The following POTEJ variants were observed in gnomAD, a reference collection of about 807,000 sequenced individuals.
POTEJ encodes POTE ankyrin domain family member J.
A neutral mutation model predicts 69.0 loss-of-function variants in POTEJ; 11 were observed. The ratio of observed to expected loss-of-function variants is 0.16; its 90% confidence interval spans 0.10 to 0.26. The LOEUF (loss-of-function observed/expected upper bound fraction) is 0.26, where lower values mean the gene tolerates loss of function less well. POTEJ is among the 10% of genes least tolerant of loss of function. POTEJ has a pLI of 1.00. For missense variants in POTEJ, 327 were observed against 1,045.5 expected (o/e 0.31, Z 9.48); for synonymous variants, 117 against 381.1 (o/e 0.31, Z 8.07).
At chr2:130,639,491 A>G (rs1193778556) in intron 10 of POTEJ, among the ~76,000 whole-genome samples, 2 of 152,412 alleles carry the variant, frequency 1.3e-5, no homozygotes, top group African/African-American at 4.8e-5. Flanking sequence ...GTGCTCTGCT[A>G]CCATTTGCCA....
chr2:130,637,222 A>G (rs1338014568), intron 9 of POTEJ, among the ~76,000 whole-genome samples: 1 of 151,386 alleles, frequency 6.6e-6, no homozygotes, highest in Non-Finnish European at 1.5e-5. Context: ...AAAGCCCAAT[A>G]TTGTGGTTAT....
chr2:130,657,207 T>G lies in POTEJ; in HGVS notation c.2447T>G (p.Met816Arg). ...YTSGRTTGIVMDSGDGVTHTV... is the reference protein window; with the variant it reads ...YTSGRTTGIVRDSGDGVTHTV... ...TCTGGCCGTACTACTGGCATCGTGA[T>G]GGACTCTGGTGACGGGGTCACCCAC... Residue 816 changes from methionine (M) to arginine (R), a missense_variant, in exon 15 of 15, where the codon ATG (methionine) becomes AGG (arginine). Physicochemically the swap from Met to Arg is moderately conservative, Grantham distance 91. Coordinates refer to ENST00000409602, the MANE Select transcript of POTEJ (RefSeq NM_001277083.2). The G allele has an allele frequency of 6.6e-7, 1 of 1,517,810 alleles. No homozygotes were observed. Among genetic ancestry groups the G allele is most frequent in the Non-Finnish European group, 9.1e-7 (1 of 1,103,472 alleles). 94.0% of individuals were successfully genotyped at this position (1,517,810 alleles called of 1,614,324 possible).
chr2:130,641,069 T>G (rs1364579784), intron 10 of POTEJ, among the ~76,000 whole-genome samples: 1 of 152,080 alleles, frequency 6.6e-6, no homozygotes, highest in Non-Finnish European at 1.5e-5. Flanking sequence ...ACCGTGCTGT[T>G]GTCTGCTGTT....
At chr2:130,611,310 G>T (rs1312932307), upstream of POTEJ, among the ~76,000 whole-genome samples, 2 of 141,928 alleles carry the variant, frequency 1.4e-5, no homozygotes, top group Non-Finnish European at 1.5e-5. Context: ...GGGGGGGGGG[G>T]GGTTGGCCCT....
intron 1 of POTEJ, among the ~76,000 whole-genome samples, chr2:130,613,301 TATGTATATATACATATATATAC>T (rs1685295403): frequency 1.6e-5 from 2 of 121,996 alleles, no homozygotes; most frequent in South Asian, 4.7e-4. Flanking sequence ...TATATATACA[TATGTATATATACATATATATAC>T]ATATGTATAT....
intron 9 of POTEJ, among the ~76,000 whole-genome samples, chr2:130,634,231 G>T (rs1391504421): frequency 6.6e-6 from 1 of 152,120 alleles, no homozygotes; most frequent in Admixed American, 6.5e-5. Context: ...ACTCTTATTT[G>T]TAAAAGTGCC....
intron 6 of POTEJ, among the ~76,000 whole-genome samples, chr2:130,625,655 T>C (rs1469729025): frequency 4.1e-5 from 6 of 146,144 alleles, no homozygotes; most frequent in East Asian, 1.9e-4. Context: ...TGAGATTGCC[T>C]GTTTGGGAGG....
intron 9 of POTEJ, among the ~76,000 whole-genome samples, chr2:130,636,815 G>A (rs142298081): frequency 0.035 from 5,184 of 147,614 alleles, 584 homozygotes; most frequent in African/African-American, 0.12. Context: ...GACGTAGGTC[G>A]GGCATGGTGG....
chr2:130,637,779 G>C (rs1404956811), intron 9 of POTEJ, among the ~76,000 whole-genome samples: 1 of 152,066 alleles, frequency 6.6e-6, no homozygotes, highest in Non-Finnish European at 1.5e-5. Flanking sequence ...ATGTCAGCTG[G>C]AGATGAACAT....
chr2:130,630,743 A>G (rs1685866926), intron 7 of POTEJ, among the ~76,000 whole-genome samples: 1 of 145,882 alleles, frequency 6.9e-6, no homozygotes, highest in Non-Finnish European at 1.5e-5. Flanking sequence ...GCAGAAAATT[A>G]GTACATATTA....
chr2:130,613,290 A>C (rs558698489), intron 1 of POTEJ, among the ~76,000 whole-genome samples: 1 of 98,588 alleles, frequency 1.0e-5, no homozygotes, highest in Non-Finnish European at 2.2e-5. Flanking sequence ...GTATATATAC[A>C]TATATATACA....
intron 10 of POTEJ, among the ~76,000 whole-genome samples, chr2:130,643,188 C>T (rs200132722): frequency 0.04 from 5,406 of 134,248 alleles, 238 homozygotes; most frequent in East Asian, 0.13. Context: ...ACCTGTTTAT[C>T]TGGGGAAAGA....
intron 1 of POTEJ, among the ~76,000 whole-genome samples, chr2:130,612,787 T>C (rs1363628988): frequency 2.8e-5 from 4 of 144,058 alleles, no homozygotes; most frequent in Non-Finnish European, 6.1e-5. Flanking sequence ...AAAAAAAAGA[T>C]GTGAGCTTTT....
rs1379006463 is a variant in POTEJ at position 130,624,069 on chromosome 2, G to A, written c.950G>A (p.Cys317Tyr). Residue 317 changes from cysteine (C) to tyrosine (Y), a missense_variant, in exon 6 of 15, where the codon TGC becomes TAC. By Grantham distance (194) the Cys-to-Tyr change is radical. Coordinates refer to ENST00000409602, the MANE Select transcript of POTEJ (RefSeq NM_001277083.2). ...TATTACATTTTTATACATAGAATTT[G>A]CCAGTTACTTTCTGACTACAAAGAA... Reference protein sequence around the residue: ...YAVSSHHHVICQLLSDYKEKQ... With the variant: ...YAVSSHHHVIYQLLSDYKEKQ... The A allele has an allele frequency of 2.9e-6, 4 of 1,361,264 alleles. No homozygotes were observed. The highest frequency in any genetic ancestry group is 4.0e-6 in the Non-Finnish European group (4 of 1,007,460). 84.3% of individuals were successfully genotyped at this position (1,361,264 alleles called of 1,614,324 possible). A position where few individuals can be genotyped will look rare whatever the true frequency, so the allele number is the denominator to read the frequency against.
chr2:130,646,532 G>T lies in POTEJ; in HGVS notation c.1667+222G>T, dbSNP rs1295655271. On this transcript the variant is annotated intron_variant, in intron 13 of 14. Coordinates refer to ENST00000409602, the MANE Select transcript of POTEJ (RefSeq NM_001277083.2). ...AGTATTGACAAATGTGAGGGAAAAGGCATTTTCTTCTCTTTTCAGTGAACT... is the reference window on the plus strand; with the variant it reads ...AGTATTGACAAATGTGAGGGAAAAGTCATTTTCTTCTCTTTTCAGTGAACT... 2.1e-5 allele frequency among the ~76,000 whole-genome samples: 3 copies of T among 140,288 alleles called. No individual in the cohort carries two copies. The East Asian group carries it at 6.0e-4, about 28-fold the overall frequency. 92.0% of individuals were successfully genotyped at this position (140,288 alleles called of 152,430 possible).
At chr2:130,633,238 T>C (rs1477853117) in intron 9 of POTEJ, among the ~76,000 whole-genome samples, 3 of 140,062 alleles carry the variant, frequency 2.1e-5, no homozygotes, top group South Asian at 2.2e-4. Flanking sequence ...AAAAGACATT[T>C]CATACACTGC....
intron 14 of POTEJ, 95 bp from the exon 15 acceptor site, chr2:130,656,454 T>C: frequency 1.4e-6 from 2 of 1,475,268 alleles, no homozygotes; most frequent in East Asian, 2.3e-5. Context: ...GGGGATTCTT[T>C]CATTATACAA....
intron 10 of POTEJ, among the ~76,000 whole-genome samples, chr2:130,639,307 G>C (rs1308814809): frequency 6.6e-6 from 1 of 152,310 alleles, no homozygotes; most frequent in African/African-American, 2.4e-5. Context: ...GTTCACAAAA[G>C]AACAGTGAAG....
chr2:130,614,165 A>C (rs1158205330), intron 1 of POTEJ, among the ~76,000 whole-genome samples: 1 of 115,276 alleles, frequency 8.7e-6, no homozygotes, highest in Non-Finnish European at 1.9e-5. Flanking sequence ...TCAAAAAAAA[A>C]AGAAAAAAAA....
Sources: allele counts gnomAD v4.1 joint callset (sites outside exome capture counted in the v4.1 genomes callset), GRCh38; gene constraint gnomAD v4.1.1; transcripts MANE v1.5; gene names NCBI Gene and HGNC (gene_info 2026-07-23, HGNC 2026-07-21).